The following XIRP2 variants were observed in gnomAD, a reference collection of about 807,000 sequenced individuals.
XIRP2 encodes xin actin-binding repeat-containing protein 2.
A neutral mutation model predicts 277.0 loss-of-function variants in XIRP2; 236 were observed. That is an observed-to-expected ratio of 0.85 (90% CI 0.77 to 0.95). The LOEUF is 0.95. Ranked by LOEUF, XIRP2 falls within the 40% of genes least tolerant of loss-of-function variation. The probability of loss-of-function intolerance (pLI) is 0.00; values close to 1 mark genes in which losing one functional copy is unlikely to be tolerated. For synonymous variants in XIRP2, 1,490 were observed against 1,416.5 expected (o/e 1.05, Z -1.17); for missense variants, 4,640 against 4,157.5 (o/e 1.12, Z -3.19).
At chr2:167,067,387 T>C (rs929431000) in intron 2 of XIRP2, among the ~76,000 whole-genome samples, 1 of 152,146 alleles carries the variant, frequency 6.6e-6, no homozygotes, top group African/African-American at 2.4e-5. Context: ...TTCTATTTTT[T>C]CTCCCATTAC....
intron 1 of XIRP2, among the ~76,000 whole-genome samples, chr2:166,894,498 T>A (rs1684189481): frequency 6.6e-6 from 1 of 152,154 alleles, no homozygotes; most frequent in South Asian, 2.1e-4. Flanking sequence ...TAAAATCACC[T>A]CAGGTACCTA....
intron 2 of XIRP2, among the ~76,000 whole-genome samples, chr2:166,950,480 T>A (rs1355482028): frequency 6.6e-6 from 1 of 152,076 alleles, no homozygotes; most frequent in Non-Finnish European, 1.5e-5. Flanking sequence ...GAAAATAGGT[T>A]GGAAGGCAGA....
chr2:167,149,118 T>G (rs1239932618), intron 3 of XIRP2, among the ~76,000 whole-genome samples: 1 of 152,068 alleles, frequency 6.6e-6, no homozygotes, highest in East Asian at 1.9e-4. Context: ...GGATGGAAAA[T>G]AATTTTATCT....
intron 2 of XIRP2, among the ~76,000 whole-genome samples, chr2:166,920,680 A>G (rs1037112633): frequency 2.6e-5 from 4 of 152,202 alleles, no homozygotes; most frequent in African/African-American, 9.6e-5. Context: ...GTTTTGAATC[A>G]TGTAAGAAAA....
In XIRP2 at chr2:167,244,713, T is replaced by C. The variant is rs201750336; in HGVS notation, c.3321T>C (p.Tyr1107=). ...LFETQPMESL[Y]EKVSLMTSSE... ...AGACCCAGCCAATGGAGTCTCTTTA[T>C]GAAAAAGTTTCGTTAATGACCAGCA... is the stretch of plus-strand genomic sequence containing the variant. Residue 1107 remains tyrosine, a synonymous_variant, in exon 9 of 11, where the codon TAT becomes TAC. Transcript: ENST00000409195. The C allele has an allele frequency of 8.1e-6, 13 of 1,613,146 alleles. No homozygotes were observed. Among genetic ancestry groups the C allele is most frequent in the South Asian group, 2.2e-5 (2 of 90,944 alleles).
chr2:167,061,714 CA>C (rs1217187391), intron 2 of XIRP2, among the ~76,000 whole-genome samples: 2 of 151,632 alleles, frequency 1.3e-5, no homozygotes, highest in African/African-American at 4.8e-5. Context: ...CAGAGAAAGC[CA>C]TTTGAAGGTG....
intron 2 of XIRP2, among the ~76,000 whole-genome samples, chr2:167,076,269 G>A (rs1689567641): frequency 6.6e-6 from 1 of 152,022 alleles, no homozygotes; most frequent in African/African-American, 2.4e-5. Flanking sequence ...AATTTATATG[G>A]CATCCAGGCA....
intron 2 of XIRP2, among the ~76,000 whole-genome samples, chr2:167,087,628 G>A (rs963746368): frequency 6.6e-5 from 10 of 152,214 alleles, no homozygotes; most frequent in Non-Finnish European, 1.3e-4. Flanking sequence ...AGCCAGGTGC[G>A]GGATATAATC....
intron 3 of XIRP2, among the ~76,000 whole-genome samples, chr2:167,144,163 A>G (rs1328712678): frequency 6.6e-6 from 1 of 152,174 alleles, no homozygotes; most frequent in Non-Finnish European, 1.5e-5. Flanking sequence ...CTTAACTAAT[A>G]TATGTGAAAA....
intron 2 of XIRP2, among the ~76,000 whole-genome samples, chr2:166,924,453 T>C (rs953831659): frequency 1.3e-5 from 2 of 152,206 alleles, no homozygotes; most frequent in African/African-American, 4.8e-5. Context: ...ATAACAAGTG[T>C]ATCATTTTTT....
rs377273154 is a variant in XIRP2, at chr2:166,903,821, C to T, written c.339C>T (p.Ala113=). 1.2e-6 allele frequency: 2 copies of T among 1,613,504 alleles called. No individual in the cohort carries two copies. Among genetic ancestry groups the T allele is most frequent in the Non-Finnish European group, 1.7e-6 (2 of 1,179,758 alleles). Residue 113 remains alanine (A), a synonymous_variant, in exon 2 of 11, where the codon GCC becomes GCT. Transcript: ENST00000409195. ...GCAGGATTGAACGCTTTTCCATTGC[C>T]CTTGATGAGCTGAGGAGTGTGTTTG... The part of the protein sequence containing the change: ...SRRRIERFSI[A]LDELRSVFEA...
At chr2:167,113,013 C>CT (rs1315880319) in intron 2 of XIRP2, among the ~76,000 whole-genome samples, 4 of 151,788 alleles carry the variant, frequency 2.6e-5, no homozygotes, top group Admixed American at 6.6e-5. Context: ...GATTTTGGTT[C>CT]TTTTTTTTAA....
In XIRP2 at chr2:167,095,851, CTTTTTTTTTTTTTTTTTTTTTTTTTTTT is replaced by C. The variant is rs60405920; in HGVS notation, c.409-40045_409-40018del. 2.1e-4 allele frequency among the ~76,000 whole-genome samples: 10 copies of C among 47,304 alleles called. No individual in the cohort carries two copies. In the East Asian group the frequency reaches 3.8e-3, roughly 18 times the overall value. The allele number at this position is 47,304 out of a possible 152,430, so 31.0% of individuals were successfully genotyped here. On this transcript the variant is annotated intron_variant, in intron 2 of 10. Coordinates refer to ENST00000409195, the MANE Select transcript of XIRP2 (RefSeq NM_152381.6). ...TAAAAATGATTTAGGAGGCGTCACT[CTTTTTTTTTTTTTTTTTTTTTTTTTTTT>C]TTTTTTTTTTTTGAGAAGGAGTCTC...
At chr2:167,026,023 T>C (rs973965363) in intron 2 of XIRP2, among the ~76,000 whole-genome samples, 13 of 152,170 alleles carry the variant, frequency 8.5e-5, no homozygotes, top group Non-Finnish European at 1.3e-4. Flanking sequence ...TAACTTTCTG[T>C]CTCGTTGATC....
chr2:166,942,088 C>G (rs1558924853), intron 2 of XIRP2, among the ~76,000 whole-genome samples: 1 of 152,182 alleles, frequency 6.6e-6, no homozygotes, highest in Non-Finnish European at 1.5e-5. Flanking sequence ...CCTCACCTTT[C>G]TGTATCTATG....
chr2:167,149,390 C>G (rs1200442968), intron 3 of XIRP2, among the ~76,000 whole-genome samples: 1 of 152,030 alleles, frequency 6.6e-6, no homozygotes, highest in Non-Finnish European at 1.5e-5. Flanking sequence ...ACATAAGAAA[C>G]AAGACTATAT....
At chr2:166,982,450 T>C (rs1367768687) in intron 2 of XIRP2, among the ~76,000 whole-genome samples, 2 of 152,004 alleles carry the variant, frequency 1.3e-5, no homozygotes, top group South Asian at 2.1e-4. Flanking sequence ...TCCCTTTTTT[T>C]CAACTTCTAG....
intron 2 of XIRP2, among the ~76,000 whole-genome samples, chr2:167,030,591 C>G (rs755170411): frequency 6.6e-6 from 1 of 151,958 alleles, no homozygotes; most frequent in Non-Finnish European, 1.5e-5. Context: ...GTTAGGATTT[C>G]CATTCTTTTG....
At chr2:167,123,156 G>A (rs1691102998) in intron 2 of XIRP2, among the ~76,000 whole-genome samples, 1 of 152,126 alleles carries the variant, frequency 6.6e-6, no homozygotes, top group African/African-American at 2.4e-5. Flanking sequence ...TCTAAGGTCT[G>A]CACACCTTGT....
Sources: allele counts gnomAD v4.1 joint callset (sites outside exome capture counted in the v4.1 genomes callset), GRCh38; gene constraint gnomAD v4.1.1; transcripts MANE v1.5; gene names NCBI Gene and HGNC (gene_info 2026-07-23, HGNC 2026-07-21).